Variants in RNF8 observed in about 807,000 individuals in gnomAD.
RNF8 encodes ring finger protein 8.
A neutral mutation model predicts 59.3 loss-of-function variants in RNF8; 8 were observed. The observed-to-expected ratio is 0.13, with a 90% CI of 0.08 to 0.24. The LOEUF (loss-of-function observed/expected upper bound fraction) is 0.24, where lower values mean the gene tolerates loss of function less well. Among genes scored for constraint, RNF8 ranks in the 10% least tolerant of loss-of-function variants. The pLI is 1.00. For synonymous variants in RNF8, 162 were observed against 200.0 expected (o/e 0.81, Z 1.60); for missense variants, 406 against 572.6 (o/e 0.71, Z 2.97).
chr6:37,379,241 C>G (rs553017462), intron 6 of RNF8, among the ~76,000 whole-genome samples: 99 of 152,228 alleles, frequency 6.5e-4, no homozygotes, highest in Non-Finnish European at 1.1e-3. Context: ...GTCTCGAACT[C>G]CTGACCTCAG....
chr6:37,366,206 G>A (rs184152978), intron 2 of RNF8, among the ~76,000 whole-genome samples: 27 of 152,288 alleles, frequency 1.8e-4, no homozygotes, highest in Non-Finnish European at 3.1e-4. Flanking sequence ...GGCTGTTTCT[G>A]TAATCTTATT....
chr6:37,382,746 A>C (rs747014296), intron 7 of RNF8, among the ~76,000 whole-genome samples: 4 of 152,128 alleles, frequency 2.6e-5, no homozygotes, highest in South Asian at 2.1e-4. Flanking sequence ...TTGGGAGGCC[A>C]AGATGGGCAG....
Position 37,354,138 on chromosome 6 carries a change from C to T in RNF8, c.-27C>T. 1 of 1,554,394 alleles carries T rather than the reference C, an allele frequency of 6.4e-7. No individual in the cohort carries two copies. The highest frequency in any genetic ancestry group is 8.7e-7 in the Non-Finnish European group (1 of 1,147,772). ...ACCTAGGTCAGGGTCTCGCTCGGTGCTGACCGCCCCCGGGGTCGAGTAGGC... is the reference window on the plus strand; with the variant it reads ...ACCTAGGTCAGGGTCTCGCTCGGTGTTGACCGCCCCCGGGGTCGAGTAGGC... On this transcript the variant is annotated 5_prime_UTR_variant, in exon 1 of 8. Transcript: ENST00000373479.
chr6:37,379,898 T>G (rs1770182160), intron 6 of RNF8, among the ~76,000 whole-genome samples: 1 of 152,122 alleles, frequency 6.6e-6, no homozygotes, highest in Admixed American at 6.5e-5. Context: ...TAATACTTTT[T>G]ATTGTTTGTT....
At chr6:37,384,131 ATTT>A (rs70977654) in intron 7 of RNF8, among the ~76,000 whole-genome samples, 2 of 124,036 alleles carry the variant, frequency 1.6e-5, no homozygotes, top group Non-Finnish European at 1.7e-5. Flanking sequence ...CCTTGCTACT[ATTT>A]TTTTTTTTTT....
Position 37,390,775 on chromosome 6 carries a change from G to A in RNF8, c.*17G>A, listed in dbSNP as rs147060223. 71 of 1,613,922 alleles carry A rather than the reference G, an allele frequency of 4.4e-5. No homozygotes were observed. In the African/African-American group the frequency reaches 8.4e-4, roughly 19 times the overall value. ...TTGTTCTGAAGACCGTGCTCTAAGGGCATTTGAAAGACTGCCAGGTAGTGC... is the reference window on the plus strand; with the variant it reads ...TTGTTCTGAAGACCGTGCTCTAAGGACATTTGAAAGACTGCCAGGTAGTGC... On this transcript the variant is annotated 3_prime_UTR_variant, in exon 8 of 8. Transcript: ENST00000373479.
chr6:37,374,850 A>G, intron 5 of RNF8, 141 bp downstream of exon 5: 1 of 626,414 alleles, frequency 1.6e-6, no homozygotes, highest in Non-Finnish European at 2.8e-6. Flanking sequence ...ATAAAATTAT[A>G]GAGGCCTATA....
chr6:37,370,962 T>C (rs920455293), intron 3 of RNF8, among the ~76,000 whole-genome samples: 3 of 152,138 alleles, frequency 2.0e-5, no homozygotes, highest in Non-Finnish European at 4.4e-5. Flanking sequence ...GCTGGACATA[T>C]AGGTTAATGA....
At position 37,368,846 on chromosome 6, in the gene RNF8, C is replaced by G; in HGVS notation, c.603C>G (p.Asp201Glu). 6.2e-7 allele frequency: 1 copy of G among 1,614,118 alleles called. No homozygotes were observed. Among genetic ancestry groups the G allele is most frequent in the Non-Finnish European group, 8.5e-7 (1 of 1,180,006 alleles). The change falls in exon 3 of 8, where the codon GAC becomes GAG. Residue 201 changes from aspartate to glutamate, a missense_variant. By Grantham distance (45) the Asp-to-Glu change is conservative. Transcript: ENST00000373479. ...GKGEVASTPS[D>E]NLDPKLTALE... ...GTGAAGTGGCCAGTACACCCTCTGA[C>G]AATTTGGATCCTAAGTTGACTGCCC...
At chr6:37,390,107 G>A (rs958053425) in intron 7 of RNF8, among the ~76,000 whole-genome samples, 1 of 152,192 alleles carries the variant, frequency 6.6e-6, no homozygotes, top group African/African-American at 2.4e-5. Flanking sequence ...AAGAATTCCC[G>A]CCTCTCCCTG....
chr6:37,360,395 C>G lies in RNF8; in HGVS notation c.112-51C>G. ...TTGATGAGATTTGTAAAGGACCTCC[C>G]TTTTCAGCACAATGACTGATGGTAT... is the stretch of plus-strand genomic sequence containing the variant. On this transcript the variant is annotated intron_variant, in intron 1 of 7. Transcript: ENST00000373479. This position sits in a 1 kb window ranked among gnomAD's most constrained non-coding sequence, Gnocchi z 4.2. 1 of 1,609,036 alleles carries G rather than the reference C, an allele frequency of 6.2e-7. No individual in the cohort carries two copies. The highest frequency in any genetic ancestry group is 8.5e-7 in the Non-Finnish European group (1 of 1,176,466).
At chr6:37,379,693 A>C (rs548933861) in intron 6 of RNF8, among the ~76,000 whole-genome samples, 65 of 152,100 alleles carry the variant, frequency 4.3e-4, no homozygotes, top group African/African-American at 1.5e-3. Context: ...TTACTTTTTT[A>C]GTTTCTTTTT....
chr6:37,365,148 T>C (rs1769497572), intron 2 of RNF8, among the ~76,000 whole-genome samples: 1 of 152,188 alleles, frequency 6.6e-6, no homozygotes, highest in African/African-American at 2.4e-5. Context: ...CCACCCCTAC[T>C]ACCTTCAATA....
chr6:37,388,935 T>TAAAAAAA (rs10667248), intron 7 of RNF8, among the ~76,000 whole-genome samples: 6 of 139,920 alleles, frequency 4.3e-5, no homozygotes, highest in African/African-American at 1.4e-4. Context: ...CCTATCTCTT[T>TAAAAAAA]AAAAAAAAAA....
In RNF8 at chr6:37,360,666, A is replaced by G; in HGVS notation, c.240+92A>G. On this transcript the variant is annotated intron_variant, in intron 2 of 7. Transcript: ENST00000373479. The surrounding 1 kb of genome is among the most constrained non-coding windows in gnomAD (Gnocchi z 4.2). ...TAGGTAATTCATGGTATAAAATTCA[A>G]AAGTATAACTTCTTCTTTCCTAGCC... The G allele has an allele frequency of 2.3e-6, 3 of 1,302,376 alleles. No individual in the cohort carries two copies. The highest frequency in any genetic ancestry group is 3.1e-6 in the Non-Finnish European group (3 of 959,774). The allele number at this position is 1,302,376 out of a possible 1,614,324, so 80.7% of individuals were successfully genotyped here.
intron 6 of RNF8, 88 bp downstream of exon 6, chr6:37,377,121 A>G (rs1195672485): frequency 1.2e-5 from 8 of 684,764 alleles, no homozygotes; most frequent in African/African-American, 8.8e-5. Context: ...AACCCAGGCT[A>G]GAGTGCAGTG....
intron 4 of RNF8, 108 bp from the exon 5 acceptor site, chr6:37,374,512 C>A: frequency 2.6e-6 from 2 of 769,772 alleles, no homozygotes; most frequent in Admixed American, 2.4e-5. Context: ...TTTATCGATC[C>A]CTGAACCACA....
At chr6:37,369,594 G>C (rs1769714423) in intron 3 of RNF8, among the ~76,000 whole-genome samples, 1 of 152,254 alleles carries the variant, frequency 6.6e-6, no homozygotes, top group South Asian at 2.1e-4. Flanking sequence ...TGAATCAATA[G>C]TTGTCTTCAA....
chr6:37,388,918 G>T (rs1032075332), intron 7 of RNF8, among the ~76,000 whole-genome samples: 1 of 142,432 alleles, frequency 7.0e-6, no homozygotes, highest in African/African-American at 3.0e-5. Context: ...GGGCAAAAGA[G>T]CCAGACCCTA....
Sources: gnomAD v4.1 joint callset for allele counts (sites outside exome capture counted in the v4.1 genomes callset) on GRCh38, gnomAD v4.1.1 for gene constraint, Gnocchi (gnomAD v3.1) non-coding constraint, MANE v1.5 for transcripts, NCBI Gene and HGNC (gene_info 2026-07-23, HGNC 2026-07-21) for gene names.